IQSEC1: variants seen among roughly 807,000 people sequenced by gnomAD.
The protein encoded by IQSEC1 is IQ motif and Sec7 domain ArfGEF 1.
Under a neutral mutation model 91.0 loss-of-function variants are expected in IQSEC1, and 31 were observed. The ratio of observed to expected loss-of-function variants is 0.34; its 90% CI spans 0.26 to 0.46. The LOEUF is 0.46. Ranked by LOEUF, IQSEC1 falls within the 20% of genes least tolerant of loss-of-function variation. The pLI, the probability that IQSEC1 is intolerant of heterozygous loss-of-function variation, is 1.00. For missense variants in IQSEC1, 1,388 were observed against 1,575.6 expected, an observed-to-expected ratio of 0.88 and a Z score of 2.02; for synonymous variants, 699 against 662.6, an observed-to-expected ratio of 1.05 and a Z score of -0.84.
chr3:13,275,674 A>T (rs1362830914), intron 1 of IQSEC1, among the ~76,000 whole-genome samples: 1 of 152,168 alleles, frequency 6.6e-6, no homozygotes, highest in African/African-American at 2.4e-5. Flanking sequence ...GGGGCTGCAC[A>T]CCACTTGGCC....
intron 1 of IQSEC1, among the ~76,000 whole-genome samples, chr3:12,971,724 T>A (rs929976379): frequency 1.3e-5 from 2 of 151,926 alleles, no homozygotes; most frequent in Admixed American, 6.6e-5. Context: ...TGTACCCTCC[T>A]CCAACACCAA....
At chr3:13,131,559 T>C (rs191486044) in intron 2 of IQSEC1, among the ~76,000 whole-genome samples, 1 of 137,274 alleles carries the variant, frequency 7.3e-6, no homozygotes, top group Non-Finnish European at 1.5e-5. Context: ...CGATCTCAGC[T>C]CACCGCAACC....
rs569831111 is a variant in IQSEC1 at position 13,190,267 on chromosome 3, C to T, written c.273-26134G>A. The stretch of plus-strand genomic sequence containing the variant: ...TTCTGGTCCAGACCCTCTTAGGCGG[C>T]GGATGCTCCATGAGTGCGAGTGGGG... On this transcript the variant is annotated intron_variant, in intron 1 of 15. Coordinates refer to the IQSEC1 transcript ENST00000648114. Among the ~76,000 whole-genome samples the T allele has an allele frequency of 1.4e-3, 211 of 152,300 alleles. 1 individual carries two copies. The highest frequency in any genetic ancestry group is 2.4e-3 in the Non-Finnish European group (163 of 68,026).
chr3:13,214,660 C>T lies in IQSEC1; in HGVS notation c.273-50527G>A, dbSNP rs1260779945. ...CCCTGGCAAGAGCAGGGCCACGGTG[C>T]CATCAAGGGGCCACTGTGGCACACG... is the stretch of plus-strand genomic sequence containing the variant. On this transcript the variant is annotated intron_variant, in intron 1 of 15. Transcript: ENST00000648114. This position sits in a 1 kb window ranked among gnomAD's most constrained non-coding sequence, Gnocchi z 4.5. 1.3e-5 allele frequency among the ~76,000 whole-genome samples: 2 copies of T among 152,220 alleles called. No homozygotes were observed. Among genetic ancestry groups the T allele is most frequent in the African/African-American group, 4.8e-5 (2 of 41,454 alleles).
intron 1 of IQSEC1, among the ~76,000 whole-genome samples, chr3:13,052,532 C>G (rs1426993979): frequency 1.3e-5 from 2 of 152,206 alleles, no homozygotes; most frequent in Non-Finnish European, 2.9e-5. Context: ...TGTGTAGACG[C>G]CAGTCTTCAT....
chr3:12,906,156 G>A (rs906816432), intron 12 of IQSEC1, among the ~76,000 whole-genome samples: 11 of 152,132 alleles, frequency 7.2e-5, no homozygotes, highest in East Asian at 5.8e-4. Flanking sequence ...GATGGATGTC[G>A]AGTGCAGACC....
intron 2 of IQSEC1, among the ~76,000 whole-genome samples, chr3:13,083,963 C>T (rs1022041350): frequency 6.6e-6 from 1 of 152,234 alleles, no homozygotes; most frequent in African/African-American, 2.4e-5. Context: ...TTCCCCCCAT[C>T]CCCTAGCCTT....
At position 13,274,932 on chromosome 3, in the gene IQSEC1, C is replaced by T. The variant is rs530044243; in HGVS notation, c.272+7779G>A. ...GAAGGGACCATGCCACATTTGGAAA[C>T]GGCCCCCAATGTTTCCAAAACATCT... On this transcript the variant is annotated intron_variant, in intron 1 of 15. Transcript: ENST00000648114. Among the ~76,000 whole-genome samples the T allele has an allele frequency of 9.9e-5, 15 of 152,150 alleles. No individual in the cohort carries two copies. The South Asian group carries it at 1.7e-3, about 17-fold the overall frequency.
intron 2 of IQSEC1, among the ~76,000 whole-genome samples, chr3:13,163,916 G>C (rs1693410085): frequency 6.6e-6 from 1 of 152,194 alleles, no homozygotes; most frequent in Non-Finnish European, 1.5e-5. Context: ...CCAGGATGCA[G>C]AGCCAACAGA....
At chr3:13,089,120 G>T (rs1156634009) in intron 2 of IQSEC1, among the ~76,000 whole-genome samples, 1 of 152,150 alleles carries the variant, frequency 6.6e-6, no homozygotes, top group Admixed American at 6.5e-5. Flanking sequence ...GGCCCCCTTG[G>T]GCCCCTCCCC....
intron 2 of IQSEC1, among the ~76,000 whole-genome samples, chr3:13,154,385 C>T (rs1311833136): frequency 7.7e-6 from 1 of 129,478 alleles, no homozygotes; most frequent in African/African-American, 2.9e-5. Flanking sequence ...GCATCTGCAC[C>T]CACAGATTCA....
At chr3:12,984,272 A>G (rs1701614247) in intron 1 of IQSEC1, among the ~76,000 whole-genome samples, 1 of 152,188 alleles carries the variant, frequency 6.6e-6, no homozygotes, top group Admixed American at 6.5e-5. Flanking sequence ...ACGGGGAGAT[A>G]GGGAGGAGAC....
intron 2 of IQSEC1, among the ~76,000 whole-genome samples, chr3:13,137,218 A>G (rs1394175176): frequency 2.0e-5 from 3 of 152,232 alleles, no homozygotes; most frequent in Non-Finnish European, 4.4e-5. Flanking sequence ...TAGCCAACAC[A>G]CAAAGCAGAT....
chr3:13,091,968 T>C (rs1705868861), intron 2 of IQSEC1, among the ~76,000 whole-genome samples: 2 of 151,984 alleles, frequency 1.3e-5, no homozygotes, highest in South Asian at 4.2e-4. Context: ...AGCAGGGCAG[T>C]CATGGGGGAG....
chr3:12,943,376 G>T (rs534084653), intron 1 of IQSEC1, among the ~76,000 whole-genome samples: 3 of 152,300 alleles, frequency 2.0e-5, no homozygotes, highest in African/African-American at 7.2e-5. Flanking sequence ...TGCAGACGCT[G>T]GTTTCCGCTG....
In IQSEC1 at chr3:12,900,932, CTG is replaced by C; in HGVS notation, c.*49_*50del. 6.5e-7 allele frequency: 1 copy of C among 1,538,086 alleles called. No homozygotes were observed. The highest frequency in any genetic ancestry group is 8.7e-7 in the Non-Finnish European group (1 of 1,146,594). ...GCGGCTGGCGACCCCCGGGCGTGCC[CTG>C]TGTGGTGTGCAGGTGTTTCAGGGAG... On this transcript the variant is annotated 3_prime_UTR_variant, in exon 14 of 14. Coordinates refer to ENST00000613206, the MANE Select transcript of IQSEC1 (RefSeq NM_001134382.3).
rs34002295 is a variant in IQSEC1, at chr3:13,117,569, CAAAAAAAAAAAAAA to C, written c.302+46521_302+46534del. On this transcript the variant is annotated intron_variant, in intron 2 of 15. Coordinates refer to the IQSEC1 transcript ENST00000648114. ...CTGGTGACAGAGCAAGACTCCGTCT[CAAAAAAAAAAAAAA>C]AAAAAAAAAAAAAAAAGCCACGGCT... 1.1e-3 allele frequency among the ~76,000 whole-genome samples: 10 copies of C among 9,460 alleles called. No individual in the cohort carries two copies. The East Asian group carries it at 0.023, about 22-fold the overall frequency. The allele number at this position is 9,460 out of a possible 152,430, so 6.2% of individuals were successfully genotyped here.
In IQSEC1 at chr3:12,908,282, A is replaced by C. The variant is rs1307986265; in HGVS notation, c.2755+67T>G. The C allele has an allele frequency of 1.2e-5, 18 of 1,544,848 alleles. No individual in the cohort carries two copies. The highest frequency in any genetic ancestry group is 1.5e-5 in the Non-Finnish European group (17 of 1,131,566). On this transcript the variant is annotated intron_variant, in intron 12 of 13. Transcript: ENST00000613206. This position sits in a 1 kb window ranked among gnomAD's most constrained non-coding sequence, Gnocchi z 4.9. ...CTGCCCCGCGTGATGCATGCCCTGAATGCAGACGCCCTGCCTCGGTCTTGC... is the reference window on the plus strand; with the variant it reads ...CTGCCCCGCGTGATGCATGCCCTGACTGCAGACGCCCTGCCTCGGTCTTGC...
chr3:13,111,087 T>G (rs987392946), intron 2 of IQSEC1, among the ~76,000 whole-genome samples: 3 of 152,208 alleles, frequency 2.0e-5, no homozygotes, highest in Non-Finnish European at 4.4e-5. Context: ...TCATGCCCAC[T>G]GCCCCAGCAC....
Sources: gnomAD v4.1 joint callset for allele counts (sites outside exome capture counted in the v4.1 genomes callset) on GRCh38, gnomAD v4.1.1 for gene constraint, Gnocchi (gnomAD v3.1) non-coding constraint, MANE v1.5 for transcripts, NCBI Gene and HGNC (gene_info 2026-07-23, HGNC 2026-07-21) for gene names.